Variants in PRKD1 observed in about 807,000 individuals in gnomAD.
PRKD1 encodes protein kinase D1.
Under a neutral mutation model 95.9 loss-of-function variants are expected in PRKD1, and 63 were observed. The ratio of observed to expected loss-of-function variants is 0.66; its 90% CI spans 0.54 to 0.81. The LOEUF is 0.81. Among genes scored for constraint, PRKD1 ranks in the 30% least tolerant of loss-of-function variants. The pLI, the probability that PRKD1 is intolerant of heterozygous loss-of-function variation, is 0.00. For missense variants in PRKD1, 1,048 were observed against 1,165.3 expected (o/e 0.90, Z 1.47); for synonymous variants, 425 against 423.1 (o/e 1.00, Z -0.05).
intron 1 of PRKD1, among the ~76,000 whole-genome samples, chr14:29,804,229 C>T (rs1468021695): frequency 7.6e-6 from 1 of 131,868 alleles, no homozygotes; most frequent in Admixed American, 7.7e-5. Context: ...GCAACAAGAA[C>T]GAAACTAAAA....
At chr14:29,803,862 C>T (rs1392270660) in intron 1 of PRKD1, among the ~76,000 whole-genome samples, 2 of 152,172 alleles carry the variant, frequency 1.3e-5, no homozygotes, top group Non-Finnish European at 2.9e-5. Flanking sequence ...AATGCCTAAA[C>T]CCAATCTCTT....
chr14:29,594,826 C>T (rs544773581), intron 16 of PRKD1, among the ~76,000 whole-genome samples: 72 of 152,200 alleles, frequency 4.7e-4, no homozygotes, highest in African/African-American at 1.6e-3. Flanking sequence ...GTCTTAACTC[C>T]ATTAAAACTT....
chr14:29,923,891 T>C (rs1895209666), intron 1 of PRKD1, among the ~76,000 whole-genome samples: 1 of 151,370 alleles, frequency 6.6e-6, no homozygotes. Flanking sequence ...GAAACCAAAC[T>C]AGCTCTTCCT....
intron 2 of PRKD1, among the ~76,000 whole-genome samples, chr14:29,693,138 A>G: frequency 6.6e-6 from 1 of 152,176 alleles, no homozygotes; most frequent in Non-Finnish European, 1.5e-5. Flanking sequence ...ATTTGAACTC[A>G]ACAAGCAGTG....
In PRKD1 at chr14:29,747,391, G is replaced by T. The variant is rs968133346; in HGVS notation, c.265-21717C>A. Among the ~76,000 whole-genome samples, 6 of 152,060 alleles carry T rather than the reference G, an allele frequency of 3.9e-5. No individual in the cohort carries two copies. The East Asian group carries it at 1.2e-3, about 29-fold the overall frequency. ...CAACCATTATGAAAAATAATTTGTTGGTTTCTCAAAAAGTTAAACATATCA... is the reference window on the plus strand; with the variant it reads ...CAACCATTATGAAAAATAATTTGTTTGTTTCTCAAAAAGTTAAACATATCA... On this transcript the variant is annotated intron_variant, in intron 1 of 17. Coordinates refer to ENST00000331968, the MANE Select transcript of PRKD1 (RefSeq NM_002742.3).
intron 1 of PRKD1, among the ~76,000 whole-genome samples, chr14:29,842,217 C>A (rs1367145089): frequency 6.6e-6 from 1 of 152,210 alleles, no homozygotes; most frequent in African/African-American, 2.4e-5. Flanking sequence ...AGTGGAAGTA[C>A]ACTCTAAAAT....
chr14:29,750,963 CACT>C (rs1335914635), intron 1 of PRKD1, among the ~76,000 whole-genome samples: 3 of 152,108 alleles, frequency 2.0e-5, no homozygotes, highest in Non-Finnish European at 4.4e-5. Flanking sequence ...ATTTTACATC[CACT>C]CCTCTTTTGG....
At chr14:29,892,494 G>A (rs887866394) in intron 1 of PRKD1, among the ~76,000 whole-genome samples, 3 of 150,218 alleles carry the variant, frequency 2.0e-5, no homozygotes, top group African/African-American at 7.3e-5. Context: ...TTGTTTTGCA[G>A]TTTCCATGTT....
At chr14:29,892,025 A>T (rs1385565767) in intron 1 of PRKD1, among the ~76,000 whole-genome samples, 3 of 152,106 alleles carry the variant, frequency 2.0e-5, no homozygotes, top group Non-Finnish European at 4.4e-5. Flanking sequence ...AATTGTAGTG[A>T]CTCCACTTTG....
At chr14:29,921,615 T>A (rs1009304027) in intron 1 of PRKD1, among the ~76,000 whole-genome samples, 1 of 152,196 alleles carries the variant, frequency 6.6e-6, no homozygotes, top group Non-Finnish European at 1.5e-5. Flanking sequence ...GTAACAGTTA[T>A]TCATGAATAA....
chr14:29,671,725 T>G (rs1309303103), intron 2 of PRKD1, among the ~76,000 whole-genome samples: 1 of 152,204 alleles, frequency 6.6e-6, no homozygotes, highest in African/African-American at 2.4e-5. Flanking sequence ...ACTTAAAAGC[T>G]TATTTTTAAC....
intron 16 of PRKD1, among the ~76,000 whole-genome samples, chr14:29,589,668 C>T (rs1893058028): frequency 6.6e-6 from 1 of 151,934 alleles, no homozygotes; most frequent in African/African-American, 2.4e-5. Flanking sequence ...TTAGACCATG[C>T]ATGGAAGAAT....
chr14:29,665,932 T>C (rs1257642979), intron 3 of PRKD1, 145 bp downstream of exon 3: 8 of 810,620 alleles, frequency 9.9e-6, no homozygotes, highest in South Asian at 8.3e-5. Flanking sequence ...TGCGTATATA[T>C]ATGTATATAT....
chr14:29,646,524 T>C (rs982465213), intron 4 of PRKD1, among the ~76,000 whole-genome samples: 4 of 136,208 alleles, frequency 2.9e-5, no homozygotes, highest in Non-Finnish European at 6.1e-5. Flanking sequence ...TACTATGTAC[T>C]CACAAAAATT....
Position 29,706,638 on chromosome 14 carries a change from A to G in PRKD1, c.403+18898T>C, listed in dbSNP as rs74567265. The stretch of plus-strand genomic sequence containing the variant: ...CACCAGGGATAATAATAACAACAAG[A>G]AGAAAAAATGTTAAAACATGTAAGT... On this transcript the variant is annotated intron_variant, in intron 2 of 17. Transcript: ENST00000331968. 2.8e-3 allele frequency among the ~76,000 whole-genome samples: 420 copies of G among 152,282 alleles called. 3 individuals carry two copies. Among genetic ancestry groups the G allele is most frequent in the Non-Finnish European group, 4.1e-3 (279 of 68,000 alleles).
At position 29,663,838 on chromosome 14, in the gene PRKD1, T is replaced by C; in HGVS notation, c.557A>G (p.Lys186Arg). The C allele has an allele frequency of 1.9e-6, 3 of 1,613,950 alleles. No individual in the cohort carries two copies. The highest frequency in any genetic ancestry group is 2.5e-6 in the Non-Finnish European group (3 of 1,179,868). Residue 186 changes from lysine to arginine, a missense_variant, in exon 4 of 18, where the codon AAG becomes AGG. Physicochemically the swap from Lys to Arg is conservative, Grantham distance 26. Transcript: ENST00000331968. ...KCEGCGLNYH[K>R]RCAFKIPNNC... The stretch of plus-strand genomic sequence containing the variant: ...GTTGGGTATTTTAAATGCACATCTC[T>C]TATGGTAATTCAGACCACACCCTGG...
chr14:29,778,397 T>C (rs1375519273), intron 1 of PRKD1, among the ~76,000 whole-genome samples: 1 of 151,986 alleles, frequency 6.6e-6, no homozygotes, highest in East Asian at 1.9e-4. Flanking sequence ...CTAGCAAGAT[T>C]AACAAAGAAG....
At chr14:29,709,762 C>A (rs553581486) in intron 2 of PRKD1, among the ~76,000 whole-genome samples, 1 of 152,188 alleles carries the variant, frequency 6.6e-6, no homozygotes, top group African/African-American at 2.4e-5. Flanking sequence ...TCTATTCAGG[C>A]CTTCAATTTA....
At chr14:29,797,305 G>T (rs1048675329) in intron 1 of PRKD1, among the ~76,000 whole-genome samples, 1 of 152,252 alleles carries the variant, frequency 6.6e-6, no homozygotes, top group East Asian at 1.9e-4. Flanking sequence ...GTAAGCGATG[G>T]ATTAAAATCT....
Sources: allele counts gnomAD v4.1 joint callset (sites outside exome capture counted in the v4.1 genomes callset), GRCh38; gene constraint gnomAD v4.1.1; transcripts MANE v1.5; gene names NCBI Gene and HGNC (gene_info 2026-07-23, HGNC 2026-07-21).